The following NUP54 variants were observed in gnomAD, a reference collection of about 807,000 sequenced individuals.
NUP54 encodes nucleoporin 54, also known as nucleoporin p54.
NUP54 carries 27 observed loss-of-function variants against 66.4 expected under a neutral mutation model. The observed-to-expected ratio is 0.41, with a 90% CI of 0.30 to 0.56. The LOEUF (loss-of-function observed/expected upper bound fraction) is 0.56. Ranked by LOEUF, NUP54 falls within the 20% of genes least tolerant of loss-of-function variation. The pLI is 0.34. For synonymous variants in NUP54, 206 were observed against 210.7 expected (o/e 0.98, Z 0.19); for missense variants, 486 against 596.3 (o/e 0.82, Z 1.93).
At chr4:76,115,551 A>G (rs1729915225) in intron 11 of NUP54, 57 bp from the exon 12 acceptor site, 1 of 1,423,858 alleles carries the variant, frequency 7.0e-7, no homozygotes, top group Non-Finnish European at 9.4e-7. Context: ...ACTGCAAGCT[A>G]GTCACAGGAA....
At chr4:76,116,381 A>C (rs1327195000) in intron 11 of NUP54, among the ~76,000 whole-genome samples, 1 of 152,204 alleles carries the variant, frequency 6.6e-6, no homozygotes, top group African/African-American at 2.4e-5. Flanking sequence ...ATCTTTATCT[A>C]AAATCCTCAG....
At chr4:76,122,419 TTC>T (rs1730275383) in intron 9 of NUP54, among the ~76,000 whole-genome samples, 2 of 152,200 alleles carry the variant, frequency 1.3e-5, no homozygotes, top group South Asian at 2.1e-4. Context: ...GTAGTCACAC[TTC>T]TCTCTTCATC....
intron 4 of NUP54, among the ~76,000 whole-genome samples, chr4:76,135,278 A>G (rs1238301289): frequency 6.6e-6 from 1 of 152,192 alleles, no homozygotes; most frequent in Non-Finnish European, 1.5e-5. Context: ...TCTTTTAGAT[A>G]GAAGCCTTTT....
chr4:76,123,259 T>G (rs896090236), intron 9 of NUP54, among the ~76,000 whole-genome samples: 3 of 152,360 alleles, frequency 2.0e-5, no homozygotes. Context: ...GTATAAATTA[T>G]TCCTCAATTG....
At chr4:76,139,349 C>T (rs1328137932) in intron 3 of NUP54, among the ~76,000 whole-genome samples, 4 of 152,154 alleles carry the variant, frequency 2.6e-5, no homozygotes, top group East Asian at 1.9e-4. Context: ...CACACAGCAC[C>T]ACTTGCAAAA....
At position 76,138,100 on chromosome 4, in the gene NUP54, A is replaced by G. The variant is rs866375491; in HGVS notation, c.296-1688T>C. ...AGGTCCATGGAGCTTCTACAGAGCT[A>G]GAGAGAGGCTCTTTTACTCTCCAGA... On this transcript the variant is annotated intron_variant, in intron 3 of 11. Transcript: ENST00000264883. Among the ~76,000 whole-genome samples, 84 of 152,346 alleles carry G rather than the reference A, an allele frequency of 5.5e-4. No individual in the cohort carries two copies. The Middle Eastern group carries it at 0.014, about 25-fold the overall frequency.
intron 8 of NUP54, among the ~76,000 whole-genome samples, chr4:76,128,578 A>G (rs905180724): frequency 2.6e-5 from 4 of 152,212 alleles, no homozygotes; most frequent in African/African-American, 9.6e-5. Context: ...AAGATGGACA[A>G]AGGTATGCCA....
intron 8 of NUP54, among the ~76,000 whole-genome samples, chr4:76,129,939 A>G (rs1730719259): frequency 6.9e-6 from 1 of 145,576 alleles, no homozygotes; most frequent in African/African-American, 2.5e-5. Context: ...CTGACCTTTA[A>G]GAATCTTTAA....
rs75552799 is a variant in NUP54 at position 76,120,401 on chromosome 4, G to A, written c.1165-2207C>T. Among the ~76,000 whole-genome samples the A allele has an allele frequency of 9.8e-3, 1,460 of 148,508 alleles. 24 individuals are homozygous for A. The highest frequency in any genetic ancestry group is 0.032 in the African/African-American group (1,302 of 40,236). Reference sequence around the variant, plus strand: ...GTGGTGGTTTAAATTTTTCCCAACCGCATGAGTGTAAAGGGATCTCTTTTT... The same window carrying A: ...GTGGTGGTTTAAATTTTTCCCAACCACATGAGTGTAAAGGGATCTCTTTTT... On this transcript the variant is annotated intron_variant, in intron 9 of 11. Coordinates refer to ENST00000264883, the MANE Select transcript of NUP54 (RefSeq NM_017426.4).
chr4:76,118,056 T>G lies in NUP54; in HGVS notation c.1284+19A>C. On this transcript the variant is annotated intron_variant, in intron 10 of 11. Transcript: ENST00000264883. ...CCACCTGAAACAAATTTTAGAATTA[T>G]GGTCTTAGAAGTGGTTACCTTGAAC... is the stretch of plus-strand genomic sequence containing the variant. 1 of 1,607,484 alleles carries G rather than the reference T, an allele frequency of 6.2e-7. No individual in the cohort carries two copies. The highest frequency in any genetic ancestry group is 8.5e-7 in the Non-Finnish European group (1 of 1,177,834).
intron 11 of NUP54, among the ~76,000 whole-genome samples, chr4:76,116,972 G>C (rs1205199261): frequency 6.6e-6 from 1 of 152,140 alleles, no homozygotes; most frequent in East Asian, 1.9e-4. Context: ...TAAGTATACA[G>C]TTCAGTGGCA....
intron 11 of NUP54, among the ~76,000 whole-genome samples, chr4:76,116,323 C>T (rs1392992868): frequency 6.6e-6 from 1 of 152,148 alleles, no homozygotes; most frequent in Non-Finnish European, 1.5e-5. Context: ...TAAAACCAGC[C>T]ATATCCATTC....
intron 8 of NUP54, among the ~76,000 whole-genome samples, chr4:76,125,311 C>G (rs1046385924): frequency 1.7e-5 from 2 of 121,088 alleles, no homozygotes; most frequent in African/African-American, 7.9e-5. Flanking sequence ...CAGAGTGAGA[C>G]TCCATCACAC....
chr4:76,122,482 T>C (rs1020207320), intron 9 of NUP54, among the ~76,000 whole-genome samples: 1 of 152,246 alleles, frequency 6.6e-6, no homozygotes, highest in Non-Finnish European at 1.5e-5. Flanking sequence ...TTTTCTTTTG[T>C]ATAATGTTAT....
intron 3 of NUP54, 88 bp from the exon 4 acceptor site, chr4:76,136,500 C>A: frequency 1.1e-6 from 1 of 942,476 alleles, no homozygotes; most frequent in African/African-American, 1.6e-5. Context: ...AATAATGGCC[C>A]CCTCCAAGAT....
chr4:76,148,349 G>T lies in NUP54; in HGVS notation c.26C>A (p.Ser9Ter). The T allele has an allele frequency of 6.5e-7, 1 of 1,549,510 alleles. No homozygotes were observed. Among genetic ancestry groups the T allele is most frequent in the South Asian group, 1.2e-5 (1 of 81,942 alleles). The change falls in exon 1 of 12, where the codon TCG (serine) becomes TAG (stop). Residue 9 changes from serine (S) to a stop codon, truncating the protein, a stop_gained. Transcript: ENST00000264883. LOFTEE classifies it high-confidence loss of function. Reference protein sequence around the residue: MAFNFGAPSGTSGTAAATA... With the variant: MAFNFGAP Reference sequence around the variant, plus strand: ...GGCTGCAGCGGTACCGGAGGTGCCCGAGGGAGCCCCAAAATTGAAGGCCAT... The same window carrying T: ...GGCTGCAGCGGTACCGGAGGTGCCCTAGGGAGCCCCAAAATTGAAGGCCAT...
intron 9 of NUP54, among the ~76,000 whole-genome samples, chr4:76,122,604 CAG>C (rs1056927527): frequency 6.6e-6 from 1 of 152,102 alleles, no homozygotes; most frequent in Non-Finnish European, 1.5e-5. Flanking sequence ...ATGCTACAAA[CAG>C]AAATGTAAAA....
chr4:76,131,345 A>G, intron 6 of NUP54, 61 bp from the exon 7 acceptor site: 1 of 1,006,940 alleles, frequency 9.9e-7, no homozygotes, highest in Non-Finnish European at 1.5e-6. Context: ...TATGTGTATG[A>G]CAAAGGCTTT....
Position 76,144,283 on chromosome 4 carries a change from C to T in NUP54, c.161G>A (p.Gly54Asp). The T allele has an allele frequency of 6.2e-7, 1 of 1,607,450 alleles. No homozygotes were observed. The highest frequency in any genetic ancestry group is 2.2e-5 in the East Asian group (1 of 44,816). Residue 54 changes from glycine (G) to aspartate (D), a missense_variant, in exon 3 of 12, where the codon GGT becomes GAT. Transcript: ENST00000264883. ...TCCAAAACCTTTGTTCTGAGTACCA[C>T]CAAAGAGTCCTTTGAATGAAAAATT... ...PTNTGTTGLFGGTQNKGFGFG... is the reference protein window; with the variant it reads ...PTNTGTTGLFDGTQNKGFGFG...
Sources: gnomAD v4.1 joint callset for allele counts (sites outside exome capture counted in the v4.1 genomes callset) on GRCh38, gnomAD v4.1.1 for gene constraint, MANE v1.5 for transcripts, NCBI Gene and HGNC (gene_info 2026-07-23, HGNC 2026-07-21) for gene names.